NAALADL2: variants seen among roughly 807,000 people sequenced by gnomAD.
NAALADL2 encodes the protein N-acetylated alpha-linked acidic dipeptidase like 2.
Under a neutral mutation model 87.2 loss-of-function variants are expected in NAALADL2, and 76 were observed. That is an observed-to-expected ratio of 0.87 (90% CI 0.72 to 1.05). The LOEUF (loss-of-function observed/expected upper bound fraction) is 1.05, where lower values mean the gene tolerates loss of function less well. Among genes scored for constraint, NAALADL2 ranks in the 50% least tolerant of loss-of-function variants. The pLI is 0.00. For missense variants in NAALADL2, 1,089 were observed against 945.8 expected (o/e 1.15, Z -1.99); for synonymous variants, 354 against 331.0 (o/e 1.07, Z -0.75).
At chr3:175,412,885 A>T (rs570511890) in intron 5 of NAALADL2, among the ~76,000 whole-genome samples, 71 of 129,424 alleles carry the variant, frequency 5.5e-4, no homozygotes, top group African/African-American at 1.2e-3. Flanking sequence ...TTATTTATTT[A>T]ATTTATTTAT....
intron 1 of NAALADL2, among the ~76,000 whole-genome samples, chr3:174,948,243 C>G (rs1739767780): frequency 6.6e-6 from 1 of 152,054 alleles, no homozygotes; most frequent in Non-Finnish European, 1.5e-5. Flanking sequence ...TTGGCTTGAT[C>G]TCCGCTCACT....
chr3:175,673,513 T>G (rs1734285775), intron 11 of NAALADL2, among the ~76,000 whole-genome samples: 1 of 151,948 alleles, frequency 6.6e-6, no homozygotes, highest in Admixed American at 6.5e-5. Flanking sequence ...TCAACTGGCT[T>G]TAAATATTAA....
At chr3:175,258,143 C>G (rs1750336691) in intron 4 of NAALADL2, among the ~76,000 whole-genome samples, 1 of 151,864 alleles carries the variant, frequency 6.6e-6, no homozygotes, top group Non-Finnish European at 1.5e-5. Flanking sequence ...CCTGTCTCTA[C>G]TAAAAATACA....
At chr3:175,481,037 G>A (rs9861895) in intron 9 of NAALADL2, among the ~76,000 whole-genome samples, 91,371 of 151,514 alleles carry the variant, frequency 0.6, 29,589 homozygotes, top group East Asian at 0.89. Context: ...AGATTATGTC[G>A]TTACCTAAAG....
intron 4 of NAALADL2, among the ~76,000 whole-genome samples, chr3:175,313,051 G>T (rs1293392035): frequency 6.6e-6 from 1 of 152,220 alleles, no homozygotes; most frequent in East Asian, 1.9e-4. Flanking sequence ...AGGCTGATAG[G>T]TTTGGTTTCT....
chr3:174,840,628 A>G (rs556815812), intron 3 of NAALADL2, among the ~76,000 whole-genome samples: 80 of 152,056 alleles, frequency 5.3e-4, no homozygotes, highest in Non-Finnish European at 9.3e-4. Context: ...CAGACACTAT[A>G]TTTTTCAGTG....
intron 4 of NAALADL2, among the ~76,000 whole-genome samples, chr3:175,314,682 A>AG (rs1207559128): frequency 1.8e-4 from 4 of 22,482 alleles, no homozygotes; most frequent in African/African-American, 1.2e-3. Context: ...ATATATATAT[A>AG]TATATATATA....
chr3:174,967,041 C>T (rs781043593), intron 1 of NAALADL2, among the ~76,000 whole-genome samples: 5 of 152,252 alleles, frequency 3.3e-5, no homozygotes, highest in African/African-American at 7.2e-5. Flanking sequence ...GACAATAGTG[C>T]TATTTGAACA....
intron 9 of NAALADL2, among the ~76,000 whole-genome samples, chr3:175,494,685 T>G (rs145087569): frequency 1.6e-3 from 250 of 152,190 alleles, no homozygotes; most frequent in Middle Eastern, 6.8e-3. Context: ...AGGTACCGAT[T>G]TCCAATCGGT....
intron 13 of NAALADL2, among the ~76,000 whole-genome samples, chr3:175,796,939 T>C (rs557907583): frequency 3.4e-4 from 50 of 147,186 alleles, no homozygotes; most frequent in Admixed American, 3.2e-3. Context: ...GTTTAAAAAT[T>C]CATGGCTTTT....
intron 3 of NAALADL2, among the ~76,000 whole-genome samples, chr3:174,759,835 G>A (rs938826308): frequency 1.3e-5 from 2 of 151,884 alleles, no homozygotes; most frequent in African/African-American, 2.4e-5. Context: ...CGAGTAGCTG[G>A]GATTACAGGC....
At chr3:174,941,853 G>T (rs183615931) in intron 1 of NAALADL2, among the ~76,000 whole-genome samples, 1 of 151,880 alleles carries the variant, frequency 6.6e-6, no homozygotes, top group Non-Finnish European at 1.5e-5. Flanking sequence ...CATTTGCATG[G>T]TGGATTTTCC....
At chr3:174,868,275 T>G (rs1727393409) in intron 1 of NAALADL2, among the ~76,000 whole-genome samples, 1 of 152,122 alleles carries the variant, frequency 6.6e-6, no homozygotes, top group African/African-American at 2.4e-5. Flanking sequence ...ACATGATTGT[T>G]TTAGATATGG....
At chr3:175,141,419 G>T (rs1560082628) in intron 2 of NAALADL2, among the ~76,000 whole-genome samples, 1 of 152,014 alleles carries the variant, frequency 6.6e-6, no homozygotes, top group Non-Finnish European at 1.5e-5. Context: ...TTCAAGTCAT[G>T]AATATGTAGT....
chr3:174,574,216 A>C (rs1715266331), intron 2 of NAALADL2, among the ~76,000 whole-genome samples: 1 of 151,944 alleles, frequency 6.6e-6, no homozygotes, highest in South Asian at 2.1e-4. Context: ...TTTTAAAAGA[A>C]AATTCAAGAA....
intron 5 of NAALADL2, among the ~76,000 whole-genome samples, chr3:175,392,194 C>T (rs1769163285): frequency 1.3e-5 from 2 of 152,150 alleles, no homozygotes; most frequent in Non-Finnish European, 2.9e-5. Context: ...AATGAATCAC[C>T]TAATCATTTA....
At chr3:175,386,385 C>A (rs1768381721) in intron 5 of NAALADL2, among the ~76,000 whole-genome samples, 1 of 152,092 alleles carries the variant, frequency 6.6e-6, no homozygotes, top group Admixed American at 6.6e-5. Context: ...CCTCTGTGTC[C>A]TCTATAAAAT....
At chr3:174,845,215 C>G (rs998187960) in intron 3 of NAALADL2, among the ~76,000 whole-genome samples, 2 of 152,166 alleles carry the variant, frequency 1.3e-5, no homozygotes, top group Non-Finnish European at 2.9e-5. Flanking sequence ...GCAAGATGGA[C>G]CACCTCCAGG....
intron 9 of NAALADL2, among the ~76,000 whole-genome samples, chr3:175,538,487 T>G (rs1212277891): frequency 1.3e-5 from 2 of 152,022 alleles, no homozygotes; most frequent in Admixed American, 6.6e-5. Flanking sequence ...CACAAAAATA[T>G]GAGCCCCATA....
Sources: gnomAD v4.1 joint callset for allele counts (sites outside exome capture counted in the v4.1 genomes callset) on GRCh38, gnomAD v4.1.1 for gene constraint, MANE v1.5 for transcripts, NCBI Gene and HGNC (gene_info 2026-07-23, HGNC 2026-07-21) for gene names.